Variants in MGARP observed in about 807,000 individuals in gnomAD.
The protein encoded by MGARP is protein MGARP.
In MGARP, 12 loss-of-function variants were observed where a neutral mutation model predicts 11.0. The ratio of observed to expected loss-of-function variants is 1.09; its 90% CI spans 0.70 to 1.77. The LOEUF is 1.77. MGARP is among the 40% of genes most tolerant of loss of function. MGARP has a pLI of 0.00. For missense variants in MGARP, 283 were observed against 297.8 expected (o/e 0.95, Z 0.36); for synonymous variants, 110 against 115.4 (o/e 0.95, Z 0.30).
chr4:139,267,797 A>G (rs1306308379), intron 3 of MGARP, among the ~76,000 whole-genome samples: 6 of 152,164 alleles, frequency 3.9e-5, no homozygotes, highest in Non-Finnish European at 5.9e-5. Context: ...TGATAATAAT[A>G]GCTTGGAAAA....
intron 2 of MGARP, among the ~76,000 whole-genome samples, chr4:139,270,766 A>C (rs746750441): frequency 5.9e-5 from 9 of 152,158 alleles, no homozygotes; most frequent in Non-Finnish European, 1.2e-4. Flanking sequence ...GGGAATGATA[A>C]TCAACATTTT....
intron 2 of MGARP, among the ~76,000 whole-genome samples, chr4:139,271,996 G>A (rs1744789594): frequency 6.6e-6 from 1 of 151,850 alleles, no homozygotes. Context: ...GTATAGTGAT[G>A]TCCAAATGAA....
chr4:139,267,320 T>C (rs1162836157), intron 3 of MGARP, among the ~76,000 whole-genome samples: 1 of 152,192 alleles, frequency 6.6e-6, no homozygotes, highest in African/African-American at 2.4e-5. Flanking sequence ...ACTGGTTCTA[T>C]TGGTTGCCTC....
chr4:139,271,966 A>G (rs1319763442), intron 2 of MGARP, among the ~76,000 whole-genome samples: 1 of 152,158 alleles, frequency 6.6e-6, no homozygotes, highest in African/African-American at 2.4e-5. Flanking sequence ...TGGCACTGGT[A>G]CATATTAATA....
intron 2 of MGARP, among the ~76,000 whole-genome samples, chr4:139,274,828 A>G (rs1009931557): frequency 6.6e-6 from 1 of 152,180 alleles, no homozygotes; most frequent in Non-Finnish European, 1.5e-5. Context: ...TTCTTTTAAA[A>G]TGTTAATAAT....
chr4:139,266,909 G>A lies in MGARP; in HGVS notation c.413C>T (p.Ala138Val). ...AGCAGCCTCCACGTGACCTGGACAG[G>A]CAGATGCCTCTTTTATGACCACAAC... ...ATVVVIKEAS[A>V]CPGHVEAAPE... The change falls in exon 4 of 4, where the codon GCC becomes GTC. Residue 138 changes from alanine to valine, a missense_variant. Transcript: ENST00000398955. 6.2e-7 allele frequency: 1 copy of A among 1,614,168 alleles called. No individual in the cohort carries two copies. Among genetic ancestry groups the A allele is most frequent in the Non-Finnish European group, 8.5e-7 (1 of 1,180,032 alleles).
chr4:139,272,952 C>T (rs1337934295), intron 2 of MGARP, among the ~76,000 whole-genome samples: 4 of 152,126 alleles, frequency 2.6e-5, no homozygotes, highest in Non-Finnish European at 5.9e-5. Context: ...TCCCAAAGTA[C>T]TGGGTTTACA....
chr4:139,269,846 G>T (rs1476135525), intron 2 of MGARP, among the ~76,000 whole-genome samples: 1 of 151,760 alleles, frequency 6.6e-6, no homozygotes, highest in Non-Finnish European at 1.5e-5. Context: ...TGTTGGTAGT[G>T]GTTTAACTTT....
chr4:139,273,179 G>A (rs942336680), intron 2 of MGARP, among the ~76,000 whole-genome samples: 1 of 151,984 alleles, frequency 6.6e-6, no homozygotes, highest in Non-Finnish European at 1.5e-5. Flanking sequence ...GGGATTATAG[G>A]CGTAAGCCAC....
intron 2 of MGARP, among the ~76,000 whole-genome samples, chr4:139,274,468 T>A (rs1047837077): frequency 6.6e-6 from 1 of 152,038 alleles, no homozygotes; most frequent in African/African-American, 2.4e-5. Context: ...TTAATTTTTT[T>A]AATAGTTATA....
At chr4:139,268,835 A>G in intron 2 of MGARP, 70 bp from the exon 3 acceptor site, 3 of 1,151,014 alleles carry the variant, frequency 2.6e-6, no homozygotes, top group East Asian at 2.4e-5. Context: ...CCAAAGGTAC[A>G]CTCAAGTCTC....
chr4:139,269,380 GCA>G (rs1744744799), intron 2 of MGARP, among the ~76,000 whole-genome samples: 1 of 152,124 alleles, frequency 6.6e-6, no homozygotes, highest in South Asian at 2.1e-4. Context: ...TGTAATCCCA[GCA>G]CTTTGGGAGG....
intron 1 of MGARP, among the ~76,000 whole-genome samples, chr4:139,277,747 A>G (rs549403914): frequency 1.3e-5 from 2 of 152,314 alleles, no homozygotes; most frequent in South Asian, 4.1e-4. Context: ...GGACTATCCA[A>G]GATTTGTGGA....
At chr4:139,276,440 T>A (rs1744875332) in intron 1 of MGARP, among the ~76,000 whole-genome samples, 1 of 152,074 alleles carries the variant, frequency 6.6e-6, no homozygotes, top group African/African-American at 2.4e-5. Context: ...GACCTGAGTT[T>A]TGAAGGAAAA....
chr4:139,275,396 G>A lies in MGARP; in HGVS notation c.83-4C>T. ...GATGACATCCGGCGCAGAGATGCTA[G>A]GAAAAAAATGTTTAAACACAGTTAG... On this transcript the variant is annotated splice_region_variant and splice_polypyrimidine_tract_variant and intron_variant, in intron 1 of 3. Coordinates refer to ENST00000398955, the MANE Select transcript of MGARP (RefSeq NM_032623.4). 6.2e-7 allele frequency: 1 copy of A among 1,606,970 alleles called. No individual in the cohort carries two copies. Among genetic ancestry groups the A allele is most frequent in the East Asian group, 2.2e-5 (1 of 44,838 alleles).
At chr4:139,269,074 A>G (rs1744738084) in intron 2 of MGARP, among the ~76,000 whole-genome samples, 1 of 152,192 alleles carries the variant, frequency 6.6e-6, no homozygotes, top group Non-Finnish European at 1.5e-5. Context: ...CCCCCATGAC[A>G]CATAATTTAC....
At chr4:139,270,608 G>GAAA (rs751695236) in intron 2 of MGARP, among the ~76,000 whole-genome samples, 14,098 of 88,398 alleles carry the variant, frequency 0.16, 927 homozygotes, top group Middle Eastern at 0.2. Context: ...GACCGCGTCT[G>GAAA]AAAAAAAAAA....
intron 2 of MGARP, among the ~76,000 whole-genome samples, chr4:139,270,641 A>G (rs17008105): frequency 0.55 from 81,940 of 148,920 alleles, 25,377 homozygotes; most frequent in African/African-American, 0.86. Context: ...AAGAAAATCT[A>G]TAATGTCGGG....
chr4:139,266,773 GGCA>G lies in MGARP; in HGVS notation c.546_548del (p.Ala183del). ...TATCGATGGTGACAGCTTCATCCAG[GGCA>G]GCATTTGTAACCTCTGGGGTTGTTT... On this transcript the variant is annotated inframe_deletion, in exon 4 of 4. Coordinates refer to ENST00000398955, the MANE Select transcript of MGARP (RefSeq NM_032623.4). The G allele has an allele frequency of 6.2e-7, 1 of 1,614,082 alleles. No homozygotes were observed. Among genetic ancestry groups the G allele is most frequent in the Non-Finnish European group, 8.5e-7 (1 of 1,180,028 alleles).
Sources: allele counts gnomAD v4.1 joint callset (sites outside exome capture counted in the v4.1 genomes callset), GRCh38; gene constraint gnomAD v4.1.1; transcripts MANE v1.5; gene names NCBI Gene and HGNC (gene_info 2026-07-23, HGNC 2026-07-21).